HIVEP3: variants seen among roughly 807,000 people sequenced by gnomAD.
The protein encoded by HIVEP3 is transcription factor HIVEP3.
Under a neutral mutation model 152.8 loss-of-function variants are expected in HIVEP3, and 49 were observed. The observed-to-expected ratio is 0.32, with a 90% CI of 0.26 to 0.41. The LOEUF (loss-of-function observed/expected upper bound fraction) is 0.41. Ranked by LOEUF, HIVEP3 falls within the 10% of genes least tolerant of loss-of-function variation. The probability of loss-of-function intolerance (pLI) is 1.00; values close to 1 mark genes in which losing one functional copy is unlikely to be tolerated. For synonymous variants in HIVEP3, 1,269 were observed against 1,289.0 expected (o/e 0.98, Z 0.33); for missense variants, 2,790 against 3,103.3 (o/e 0.90, Z 2.40).
chr1:41,526,780 AAC>A (rs1159531366), intron 5 of HIVEP3, among the ~76,000 whole-genome samples: 4 of 42,036 alleles, frequency 9.5e-5, no homozygotes, highest in African/African-American at 1.9e-4. Flanking sequence ...CACTCACCCT[AAC>A]ACACACCCTC....
chr1:41,953,636 A>G (rs1318249730), intron 1 of HIVEP3, among the ~76,000 whole-genome samples: 1 of 152,208 alleles, frequency 6.6e-6, no homozygotes, highest in African/African-American at 2.4e-5. Context: ...TGTCTGAGAA[A>G]TGAATGAATG....
chr1:41,524,882 C>A lies in HIVEP3; in HGVS notation c.5236G>T (p.Val1746Leu). The A allele has an allele frequency of 6.2e-7, 1 of 1,614,012 alleles. No individual in the cohort carries two copies. The highest frequency in any genetic ancestry group is 8.5e-7 in the Non-Finnish European group (1 of 1,179,976). ...GYKSNEEYVY[V>L]RGRGRGKYVC... is the part of the protein sequence containing the mutation. ...TATTTCCCTCGGCCGCGGCCTCGCA[C>A]ATATACATACTCTTCGTTTGATTTG... Residue 1746 changes from valine (V) to leucine (L), a missense_variant, in exon 6 of 9, where the codon GTG (valine) becomes TTG (leucine). Coordinates refer to ENST00000372583, the MANE Select transcript of HIVEP3 (RefSeq NM_024503.5).
Position 41,638,256 on chromosome 1 carries a change from G to GAGAGAGAAAGAAAGAAAGAAAGAAAGAA in HIVEP3, c.-720-9310_-720-9309insTTCTTTCTTTCTTTCTTTCTTTCTCTCT, listed in dbSNP as rs1553241158. Among the ~76,000 whole-genome samples the GAGAGAGAAAGAAAGAAAGAAAGAAAGAA allele has an allele frequency of 8.9e-4, 108 of 120,862 alleles. 4 individuals carry two copies. Among genetic ancestry groups the GAGAGAGAAAGAAAGAAAGAAAGAAAGAA allele is most frequent in the African/African-American group, 3.6e-3 (104 of 28,712 alleles). The allele number at this position is 120,862 out of a possible 152,430, so 79.3% of individuals were successfully genotyped here. ...AGAGACAGAGAAATAAAGAAAGAGA[G>GAGAGAGAAAGAAAGAAAGAAAGAAAGAA]AGAAAGAAAGAAAGAAAGAAAGAAA... On this transcript the variant is annotated intron_variant, in intron 2 of 8. Transcript: ENST00000372583.
chr1:41,777,118 G>A (rs1054222265), intron 1 of HIVEP3, among the ~76,000 whole-genome samples: 2 of 152,212 alleles, frequency 1.3e-5, no homozygotes, highest in Non-Finnish European at 2.9e-5. Flanking sequence ...GCAGCCTAGG[G>A]TGCTGGTCGC....
chr1:41,600,223 C>T (rs1296776636), intron 3 of HIVEP3, among the ~76,000 whole-genome samples: 3 of 152,144 alleles, frequency 2.0e-5, no homozygotes, highest in Non-Finnish European at 4.4e-5. Flanking sequence ...TGGGTATATA[C>T]TCAAAAGAAT....
chr1:41,752,239 T>C (rs1412927717), intron 1 of HIVEP3, among the ~76,000 whole-genome samples: 1 of 152,202 alleles, frequency 6.6e-6, no homozygotes, highest in Non-Finnish European at 1.5e-5. Flanking sequence ...ACCTCTGTGC[T>C]GCACCTCCCT....
intron 1 of HIVEP3, among the ~76,000 whole-genome samples, chr1:41,815,754 T>C (rs35641083): frequency 9.0e-5 from 5 of 55,586 alleles, no homozygotes; most frequent in Non-Finnish European, 2.1e-4. Flanking sequence ...TTTTTTATTG[T>C]TTTTTTTTTT....
chr1:41,749,708 C>T (rs928879533), intron 1 of HIVEP3, among the ~76,000 whole-genome samples: 1 of 152,086 alleles, frequency 6.6e-6, no homozygotes, highest in Non-Finnish European at 1.5e-5. Flanking sequence ...GCTATGTGAT[C>T]TTGGATAAGA....
intron 1 of HIVEP3, among the ~76,000 whole-genome samples, chr1:41,836,353 G>A (rs139507557): frequency 5.0e-4 from 76 of 152,344 alleles, no homozygotes; most frequent in South Asian, 1.2e-3. Context: ...CAGGCAGAGA[G>A]CACAGCTGGG....
chr1:41,735,676 G>C (rs1646906480), intron 1 of HIVEP3, among the ~76,000 whole-genome samples: 1 of 152,118 alleles, frequency 6.6e-6, no homozygotes, highest in Non-Finnish European at 1.5e-5. Context: ...AGGCATTGCT[G>C]GGGAATTAAA....
chr1:41,883,038 C>T (rs1288052626), intron 1 of HIVEP3, among the ~76,000 whole-genome samples: 2 of 151,996 alleles, frequency 1.3e-5, no homozygotes, highest in Admixed American at 6.6e-5. Context: ...GAGGTTAAAG[C>T]GAAGTCTAAA....
At chr1:41,650,055 C>T (rs1327760293) in intron 2 of HIVEP3, among the ~76,000 whole-genome samples, 1 of 151,986 alleles carries the variant, frequency 6.6e-6, no homozygotes, top group Non-Finnish European at 1.5e-5. Flanking sequence ...GACCCAAATC[C>T]TTAAGATTCA....
chr1:41,644,658 AAC>A (rs1645430214), intron 2 of HIVEP3, among the ~76,000 whole-genome samples: 1 of 147,924 alleles, frequency 6.8e-6, no homozygotes, highest in African/African-American at 2.5e-5. Flanking sequence ...ATGCCCATAT[AAC>A]CCAGGGATTT....
rs76599579 is a variant in HIVEP3, at chr1:42,011,133, C to T, written n.119+24674G>A. On this transcript the variant is annotated intron_variant and non_coding_transcript_variant, in intron 1 of 3. Coordinates refer to the HIVEP3 transcript ENST00000489103. ...TTTTTTTTTTCTAGATGCCTTTAGC[C>T]ACCATTTCAGAAGATTCCAAGAAGG... 6.6e-5 allele frequency among the ~76,000 whole-genome samples: 10 copies of T among 152,232 alleles called. No homozygotes were observed. In the East Asian group the frequency reaches 1.9e-3, roughly 29 times the overall value.
intron 1 of HIVEP3, among the ~76,000 whole-genome samples, chr1:41,889,076 C>A (rs552125508): frequency 1.4e-5 from 2 of 147,944 alleles, no homozygotes; most frequent in Admixed American, 1.3e-4. Context: ...ACCACACACA[C>A]CACACATACG....
intron 2 of HIVEP3, among the ~76,000 whole-genome samples, chr1:41,680,155 C>CTAAGGATG (rs1486154230): frequency 1.8e-4 from 28 of 152,316 alleles, no homozygotes; most frequent in Admixed American, 1.6e-3. Flanking sequence ...GGCCAGACAG[C>CTAAGGATG]TAAGGATGTG....
intron 1 of HIVEP3, among the ~76,000 whole-genome samples, chr1:41,753,388 C>T (rs1431003046): frequency 3.9e-5 from 6 of 152,142 alleles, no homozygotes; most frequent in East Asian, 1.9e-4. Flanking sequence ...GGGCCGGGCA[C>T]GGTGGCTCAC....
intron 1 of HIVEP3, among the ~76,000 whole-genome samples, chr1:41,875,336 C>T (rs1379008554): frequency 2.6e-5 from 4 of 152,218 alleles, no homozygotes; most frequent in African/African-American, 9.6e-5. Flanking sequence ...CATGGCTCCC[C>T]TCCAGCTCCC....
intron 5 of HIVEP3, among the ~76,000 whole-genome samples, chr1:41,531,544 A>AT (rs1643254979): frequency 1.5e-5 from 1 of 66,962 alleles, no homozygotes. Flanking sequence ...GACAGGGGAG[A>AT]TGGAGGACAG....
Sources: allele counts gnomAD v4.1 joint callset (sites outside exome capture counted in the v4.1 genomes callset), GRCh38; gene constraint gnomAD v4.1.1; transcripts MANE v1.5; gene names NCBI Gene and HGNC (gene_info 2026-07-23, HGNC 2026-07-21).